Variants in RAPH1 observed in about 807,000 individuals in gnomAD.
The protein encoded by RAPH1 is Ras association (RalGDS/AF-6) and pleckstrin homology domains 1.
Under a neutral mutation model 88.1 loss-of-function variants are expected in RAPH1, and 18 were observed. The ratio of observed to expected loss-of-function variants is 0.20; its 90% CI spans 0.14 to 0.30. RAPH1 has a LOEUF of 0.30. Ranked by LOEUF, RAPH1 falls within the 10% of genes least tolerant of loss-of-function variation. The pLI is 1.00. For missense variants in RAPH1, 1,448 were observed against 1,543.2 expected, an observed-to-expected ratio of 0.94 and a Z score of 1.03; for synonymous variants, 587 against 559.0, an observed-to-expected ratio of 1.05 and a Z score of -0.71.
intron 4 of RAPH1, chr2:203,470,112 G>A (rs56278192): frequency 1.7e-6 from 1 of 579,312 alleles, no homozygotes; most frequent in Non-Finnish European, 3.0e-6. Context: ...ATCTGTAAAA[G>A]AAAAAGTATA....
intron 10 of RAPH1, among the ~76,000 whole-genome samples, chr2:203,453,545 CAAAAAAAAAA>C (rs59304139): frequency 3.5e-5 from 1 of 28,268 alleles, no homozygotes; most frequent in South Asian, 2.9e-3. Flanking sequence ...GACCCTGCCT[CAAAAAAAAAA>C]AAAAAAAAAA....
At position 203,434,696 on chromosome 2, in the gene RAPH1, G is replaced by A. The variant is rs2098497019; in HGVS notation, c.*4741C>T. 6.6e-6 allele frequency: 1 copy of A among 152,396 alleles called. No homozygotes were observed. The highest frequency in any genetic ancestry group is 1.5e-5 in the Non-Finnish European group (1 of 68,024). 9.4% of individuals were successfully genotyped at this position (152,396 alleles called of 1,614,324 possible). A position where few individuals can be genotyped will look rare whatever the true frequency, so the allele number is the denominator to read the frequency against. Reference sequence around the variant, plus strand: ...GGGTTTCTCCCCCTTTAGTGCTGCAGACAAGTTTTACTGCCTAAGACGTTG... The same window carrying A: ...GGGTTTCTCCCCCTTTAGTGCTGCAAACAAGTTTTACTGCCTAAGACGTTG... On this transcript the variant is annotated 3_prime_UTR_variant, in exon 14 of 14. Coordinates refer to ENST00000319170, the MANE Select transcript of RAPH1 (RefSeq NM_213589.3).
intron 1 of RAPH1, among the ~76,000 whole-genome samples, chr2:203,518,066 A>C (rs1346810344): frequency 6.6e-6 from 1 of 152,136 alleles, no homozygotes; most frequent in Admixed American, 6.5e-5. Flanking sequence ...TCAAAACCAA[A>C]GCTGGTTCTT....
At position 203,476,259 on chromosome 2, in the gene RAPH1, CT is replaced by C. The variant is rs1317115161; in HGVS notation, c.732+13324del. ...TATCTTGGCTCACTGCAGCCTCCGC[CT>C]CTTGGGTTCAAGCAATTCTTCTGCC... On this transcript the variant is annotated intron_variant, in intron 4 of 13. Transcript: ENST00000319170. Among the ~76,000 whole-genome samples, 7 of 152,226 alleles carry C rather than the reference CT, an allele frequency of 4.6e-5. No homozygotes were observed. In the East Asian group the frequency reaches 1.2e-3, roughly 25 times the overall value.
intron 1 of RAPH1, among the ~76,000 whole-genome samples, chr2:203,496,137 C>CA (rs1688501771): frequency 6.6e-6 from 1 of 152,164 alleles, no homozygotes; most frequent in African/African-American, 2.4e-5. Context: ...GCGGGTGGAT[C>CA]AACCTGTGGT....
intron 4 of RAPH1, among the ~76,000 whole-genome samples, chr2:203,480,945 T>C (rs1056350597): frequency 2.6e-5 from 4 of 152,216 alleles, no homozygotes; most frequent in African/African-American, 4.8e-5. Flanking sequence ...ACTCACAGCA[T>C]TGATCTTCAA....
rs535213942 is a variant in RAPH1, at chr2:203,452,969, C to T, written c.1413+1461G>A. Reference sequence around the variant, plus strand: ...ATAAATAAATAAATAGACAAACACACATTACACTAGCGTGAAGATACCATC... The same window carrying T: ...ATAAATAAATAAATAGACAAACACATATTACACTAGCGTGAAGATACCATC... On this transcript the variant is annotated intron_variant, in intron 10 of 13. Coordinates refer to ENST00000319170, the MANE Select transcript of RAPH1 (RefSeq NM_213589.3). Among the ~76,000 whole-genome samples, 5 of 152,190 alleles carry T rather than the reference C, an allele frequency of 3.3e-5. No individual in the cohort carries two copies. In the East Asian group the frequency reaches 9.6e-4, roughly 29 times the overall value.
intron 1 of RAPH1, among the ~76,000 whole-genome samples, chr2:203,528,064 A>T (rs577635595): frequency 2.0e-5 from 3 of 152,200 alleles, no homozygotes; most frequent in Non-Finnish European, 4.4e-5. Flanking sequence ...GTGCAATTTA[A>T]AGATGAAGTA....
intron 2 of RAPH1, among the ~76,000 whole-genome samples, chr2:203,493,990 A>G (rs959312184): frequency 2.7e-5 from 4 of 150,370 alleles, no homozygotes; most frequent in Non-Finnish European, 4.4e-5. Context: ...AAAAAAAAAA[A>G]AAAAAAAAGA....
chr2:203,525,476 C>T (rs1479960579), intron 1 of RAPH1, among the ~76,000 whole-genome samples: 1 of 152,076 alleles, frequency 6.6e-6, no homozygotes, highest in Non-Finnish European at 1.5e-5. Flanking sequence ...AGCCACCATG[C>T]CTGGCCATAT....
chr2:203,477,070 AC>A (rs1343920563), intron 4 of RAPH1: 2 of 1,607,022 alleles, frequency 1.2e-6, no homozygotes, highest in South Asian at 2.2e-5. Flanking sequence ...TGTTTATAGA[AC>A]TTACAGGTGT....
chr2:203,445,297 C>G (rs2098508473), intron 12 of RAPH1: 1 of 297,288 alleles, frequency 3.4e-6, no homozygotes, highest in African/African-American at 2.2e-5. Context: ...CCCAGTCTTG[C>G]ATGAAATCAA....
At position 203,435,014 on chromosome 2, in the gene RAPH1, C is replaced by G. The variant is rs1408675021; in HGVS notation, c.*4423G>C. ...TATTCTGCCAAAAGAGTTGAAGGCA[C>G]TGGGGGTTTACAGCAAGTATTTTCT... is the stretch of plus-strand genomic sequence containing the variant. On this transcript the variant is annotated 3_prime_UTR_variant, in exon 14 of 14. Transcript: ENST00000319170. 6.6e-6 allele frequency: 1 copy of G among 152,562 alleles called. No individual in the cohort carries two copies. The highest frequency in any genetic ancestry group is 2.4e-5 in the African/African-American group (1 of 41,420). 9.5% of individuals were successfully genotyped at this position (152,562 alleles called of 1,614,324 possible).
At chr2:203,447,913 C>T (rs1356297749) in intron 12 of RAPH1, 46 bp downstream of exon 12, 2 of 1,605,774 alleles carry the variant, frequency 1.2e-6, no homozygotes, top group East Asian at 4.5e-5. Flanking sequence ...TCTACAGAGA[C>T]CTTCATATTA....
intron 3 of RAPH1, among the ~76,000 whole-genome samples, chr2:203,490,915 A>C (rs1360584012): frequency 6.6e-6 from 1 of 151,852 alleles, no homozygotes; most frequent in Non-Finnish European, 1.5e-5. Context: ...GTGGTTGTGC[A>C]TGCCTGTAAT....
intron 10 of RAPH1, among the ~76,000 whole-genome samples, chr2:203,450,300 T>G (rs1457905602): frequency 6.6e-6 from 1 of 152,184 alleles, no homozygotes; most frequent in Non-Finnish European, 1.5e-5. Flanking sequence ...CTATAACATT[T>G]AATACCAAAA....
At chr2:203,503,136 T>C (rs1688815036) in intron 1 of RAPH1, among the ~76,000 whole-genome samples, 1 of 152,144 alleles carries the variant, frequency 6.6e-6, no homozygotes, top group Non-Finnish European at 1.5e-5. Flanking sequence ...AGAGCGAGAC[T>C]CTGTCTCAAA....
At chr2:203,525,254 T>C (rs995672006) in intron 1 of RAPH1, among the ~76,000 whole-genome samples, 1 of 152,164 alleles carries the variant, frequency 6.6e-6, no homozygotes, top group East Asian at 1.9e-4. Context: ...GGCACAATCT[T>C]GGCTCACTGC....
At chr2:203,527,383 T>G (rs1690167872) in intron 1 of RAPH1, among the ~76,000 whole-genome samples, 1 of 152,134 alleles carries the variant, frequency 6.6e-6, no homozygotes, top group Non-Finnish European at 1.5e-5. Flanking sequence ...GTGATAGTAA[T>G]TACTATCTTT....
Sources: allele counts gnomAD v4.1 joint callset (sites outside exome capture counted in the v4.1 genomes callset), GRCh38; gene constraint gnomAD v4.1.1; transcripts MANE v1.5; gene names NCBI Gene and HGNC (gene_info 2026-07-23, HGNC 2026-07-21).